The following FHAD1 variants were observed in gnomAD, a reference collection of about 807,000 sequenced individuals.
FHAD1 encodes forkhead-associated domain-containing protein 1.
FHAD1 carries 146 observed loss-of-function variants against 191.3 expected under a neutral mutation model. The ratio of observed to expected loss-of-function variants is 0.76; its 90% CI spans 0.67 to 0.88. The LOEUF is 0.88. Ranked by LOEUF, FHAD1 falls within the 40% of genes least tolerant of loss-of-function variation. The pLI is 0.00. For synonymous variants in FHAD1, 616 were observed against 672.3 expected, an observed-to-expected ratio of 0.92 and a Z score of 1.29; for missense variants, 1,635 against 1,785.8, an observed-to-expected ratio of 0.92 and a Z score of 1.52.
At chr1:15,345,006 G>A in intron 16 of FHAD1, 77 bp from the exon 17 acceptor site, 2 of 1,087,766 alleles carry the variant, frequency 1.8e-6, no homozygotes, top group African/African-American at 1.6e-5. Flanking sequence ...TGAAGAGGTA[G>A]CACATGCAGT....
chr1:15,294,368 G>A (rs1227680236), intron 4 of FHAD1, among the ~76,000 whole-genome samples: 1 of 152,128 alleles, frequency 6.6e-6, no homozygotes, highest in Non-Finnish European at 1.5e-5. Flanking sequence ...GACATTTGGG[G>A]CCAGATAATT....
At chr1:15,333,821 TATC>T (rs1221005114) in intron 14 of FHAD1, among the ~76,000 whole-genome samples, 3 of 144,128 alleles carry the variant, frequency 2.1e-5, no homozygotes, top group Non-Finnish European at 3.0e-5. Context: ...TTATTTTATT[TATC>T]TTTTTTTTTT....
chr1:15,291,125 T>C (rs1435353763), intron 4 of FHAD1, among the ~76,000 whole-genome samples: 1 of 151,176 alleles, frequency 6.6e-6, no homozygotes, highest in Non-Finnish European at 1.5e-5. Context: ...TTTTTTTTTT[T>C]TTCTTGAGAC....
At chr1:15,343,133 G>C (rs998403762) in intron 16 of FHAD1, among the ~76,000 whole-genome samples, 10 of 152,140 alleles carry the variant, frequency 6.6e-5, no homozygotes, top group Non-Finnish European at 1.0e-4. Flanking sequence ...CCCCTCCCAT[G>C]AATTTCACTG....
At chr1:15,275,713 C>G (rs763844423) in intron 3 of FHAD1, among the ~76,000 whole-genome samples, 2 of 151,616 alleles carry the variant, frequency 1.3e-5, no homozygotes, top group Non-Finnish European at 2.9e-5. Flanking sequence ...CGTCTCTCAT[C>G]AAATCTCATC....
Position 15,289,346 on chromosome 1 carries a change from G to A in FHAD1, c.301-53G>A, listed in dbSNP as rs1402300241. On this transcript the variant is annotated intron_variant, in intron 3 of 33. Transcript: ENST00000688493. This position sits in a 1 kb window ranked among gnomAD's most constrained non-coding sequence, Gnocchi z 4.2. ...AATGCTGTGGCTGGGACAAAGAAAT[G>A]GAGACCATCCCAGCCGGTCATAACC... 2 of 1,525,446 alleles carry A rather than the reference G, an allele frequency of 1.3e-6. No individual in the cohort carries two copies. Among genetic ancestry groups the A allele is most frequent in the Non-Finnish European group, 1.8e-6 (2 of 1,131,950 alleles). The allele number at this position is 1,525,446 out of a possible 1,614,324, so 94.5% of individuals were successfully genotyped here.
chr1:15,339,739 G>A (rs151023256), intron 15 of FHAD1, among the ~76,000 whole-genome samples, 188 bp downstream of exon 15: 132 of 152,320 alleles, frequency 8.7e-4, no homozygotes, highest in African/African-American at 3.0e-3. Context: ...TCTCCCAGGA[G>A]GGTAAGGACA....
chr1:15,348,595 G>A, intron 18 of FHAD1, among the ~76,000 whole-genome samples: 1 of 152,156 alleles, frequency 6.6e-6, no homozygotes, highest in East Asian at 1.9e-4. Context: ...CTTGAAACTG[G>A]ATTCTGTTGG....
intron 19 of FHAD1, 73 bp from the exon 20 acceptor site, chr1:15,352,804 G>A (rs745754155): frequency 3.6e-4 from 415 of 1,162,112 alleles, no homozygotes; most frequent in Non-Finnish European, 4.7e-4. Context: ...ACGGTGACTC[G>A]TCCTGGTTTC....
At chr1:15,295,619 G>C (rs1229300216) in intron 4 of FHAD1, among the ~76,000 whole-genome samples, 1 of 151,170 alleles carries the variant, frequency 6.6e-6, no homozygotes, top group Non-Finnish European at 1.5e-5. Context: ...CTGTGTGTGT[G>C]TCTCTCTCTC....
At chr1:15,360,408 CA>C (rs778819820) in intron 21 of FHAD1, 69 bp from the exon 22 acceptor site, 1 of 1,375,524 alleles carries the variant, frequency 7.3e-7, no homozygotes, top group Non-Finnish European at 1.0e-6. Flanking sequence ...TGTGTGTGCC[CA>C]GGGGGCATAT....
At chr1:15,279,813 G>C (rs1199511513) in intron 3 of FHAD1, among the ~76,000 whole-genome samples, 1 of 152,120 alleles carries the variant, frequency 6.6e-6, no homozygotes, top group Admixed American at 6.5e-5. Context: ...TGGAGTGGAG[G>C]GGATGAGCCC....
chr1:15,380,341 C>G (rs1323778799), intron 28 of FHAD1, among the ~76,000 whole-genome samples: 3 of 152,188 alleles, frequency 2.0e-5, no homozygotes, highest in Non-Finnish European at 4.4e-5. Flanking sequence ...GCTAGTAGCA[C>G]TCCCCGCCTG....
chr1:15,335,828 G>A (rs1683820854), intron 14 of FHAD1, among the ~76,000 whole-genome samples: 2 of 152,126 alleles, frequency 1.3e-5, no homozygotes, highest in Admixed American at 1.3e-4. Context: ...ATAGAAATGT[G>A]ATCAAATACT....
intron 3 of FHAD1, among the ~76,000 whole-genome samples, chr1:15,281,760 CAAA>C (rs35950054): frequency 3.1e-5 from 2 of 64,430 alleles, no homozygotes; most frequent in Non-Finnish European, 2.9e-5. Flanking sequence ...GACACTGTCT[CAAA>C]AAAAAAAAAA....
At chr1:15,367,702 G>A in intron 25 of FHAD1, 80 bp downstream of exon 25, 3 of 1,167,354 alleles carry the variant, frequency 2.6e-6, no homozygotes, top group Non-Finnish European at 2.4e-6. Flanking sequence ...AGAGGGCTCA[G>A]TACATGCTGC....
chr1:15,397,398 C>T lies in FHAD1; in HGVS notation c.4425C>T (p.Pro1475=), dbSNP rs1257862457. The change falls in exon 34 of 34, where the codon CCC becomes CCT. Residue 1475 remains proline (P), a synonymous_variant. Transcript: ENST00000688493. ...GCCAGAGCCTTTTGCATTCTAAGCC[C>T]AGTGGAAAGTACTAGAGAAACCTCG... ...KSSQSLLHSK[P]SGKY is the part of the protein sequence containing the mutation. 1 of 1,533,204 alleles carries T rather than the reference C, an allele frequency of 6.5e-7. No individual in the cohort carries two copies. Among genetic ancestry groups the T allele is most frequent in the Non-Finnish European group, 8.8e-7 (1 of 1,134,498 alleles). 95.0% of individuals were successfully genotyped at this position (1,533,204 alleles called of 1,614,324 possible).
At chr1:15,308,851 C>T (rs749236561) in intron 7 of FHAD1, 115 bp downstream of exon 7, 10 of 1,458,550 alleles carry the variant, frequency 6.9e-6, no homozygotes, top group Non-Finnish European at 8.3e-6. Flanking sequence ...GCTGCAGCCT[C>T]AGAGTTCTTC....
intron 9 of FHAD1, 103 bp from the exon 10 acceptor site, chr1:15,317,721 T>A: frequency 1.4e-6 from 1 of 712,036 alleles, no homozygotes; most frequent in Non-Finnish European, 2.4e-6. Flanking sequence ...GTTTCCACCT[T>A]AATGGATGGG....
Sources: gnomAD v4.1 joint callset for allele counts (sites outside exome capture counted in the v4.1 genomes callset) on GRCh38, gnomAD v4.1.1 for gene constraint, Gnocchi (gnomAD v3.1) non-coding constraint, MANE v1.5 for transcripts, NCBI Gene and HGNC (gene_info 2026-07-23, HGNC 2026-07-21) for gene names.